Variants in ATP2B4 observed in about 807,000 individuals in gnomAD.
The protein encoded by ATP2B4 is plasma membrane calcium-transporting ATPase 4.
A neutral mutation model predicts 110.3 loss-of-function variants in ATP2B4; 39 were observed. The observed-to-expected ratio is 0.35, with a 90% CI of 0.27 to 0.46. The LOEUF is 0.46. Ranked by LOEUF, ATP2B4 falls within the 20% of genes least tolerant of loss-of-function variation. ATP2B4 has a pLI of 1.00. For missense variants in ATP2B4, 1,135 were observed against 1,530.9 expected (o/e 0.74, Z 4.32); for synonymous variants, 538 against 571.7 (o/e 0.94, Z 0.84).
rs1419791576 is a variant in ATP2B4, at chr1:203,629,170, G to C, written c.-465+1951G>C. On this transcript the variant is annotated intron_variant, in intron 1 of 20. Coordinates refer to ENST00000357681, the MANE Select transcript of ATP2B4 (RefSeq NM_001684.5). The surrounding 1 kb of genome is among the most constrained non-coding windows in gnomAD (Gnocchi z 4.6). ...TTGATTGATCTGACTGCACCCCTCGGCTAGACAGCTCTTCCCTACCTGTGT... is the reference window on the plus strand; with the variant it reads ...TTGATTGATCTGACTGCACCCCTCGCCTAGACAGCTCTTCCCTACCTGTGT... Among the ~76,000 whole-genome samples, 1 of 152,168 alleles carries C rather than the reference G, an allele frequency of 6.6e-6. No homozygotes were observed. Among genetic ancestry groups the C allele is most frequent in the African/African-American group, 2.4e-5 (1 of 41,438 alleles).
chr1:203,657,698 A>T (rs564622652), intron 1 of ATP2B4: 1 of 758,966 alleles, frequency 1.3e-6, no homozygotes, highest in East Asian at 2.5e-5. Flanking sequence ...TTTTCTTCTC[A>T]TGGTAATCCA....
chr1:203,730,768 A>G (rs2102231678), intron 20 of ATP2B4, among the ~76,000 whole-genome samples: 1 of 152,354 alleles, frequency 6.6e-6, no homozygotes, highest in Non-Finnish European at 1.5e-5. Context: ...TTGTTGGAGC[A>G]TGAGGCAGTT....
chr1:203,703,141 G>T (rs1045859004), intron 7 of ATP2B4, among the ~76,000 whole-genome samples: 1 of 150,316 alleles, frequency 6.7e-6, no homozygotes, highest in Middle Eastern at 3.2e-3. Flanking sequence ...GGGTCTGGGG[G>T]TATGTGTTTC....
intron 1 of ATP2B4, among the ~76,000 whole-genome samples, chr1:203,651,573 T>G (rs367766849): frequency 2.4e-4 from 36 of 152,320 alleles, no homozygotes; most frequent in Admixed American, 5.2e-4. Flanking sequence ...AAGAAACATA[T>G]TATTTGTACT....
chr1:203,711,886 G>A (rs1330363648), intron 12 of ATP2B4, 74 bp from the exon 13 acceptor site: 3 of 1,530,764 alleles, frequency 2.0e-6, no homozygotes, highest in Non-Finnish European at 2.7e-6. Flanking sequence ...GCCACAAAGG[G>A]ACAGACAAAC....
chr1:203,632,437 G>A (rs1012561645), intron 1 of ATP2B4, among the ~76,000 whole-genome samples: 6 of 151,242 alleles, frequency 4.0e-5, no homozygotes, highest in South Asian at 2.1e-4. Context: ...TCTGCCGCCC[G>A]GGTTCACGCC....
At chr1:203,702,293 G>A (rs1665718617) in intron 7 of ATP2B4, among the ~76,000 whole-genome samples, 1 of 152,150 alleles carries the variant, frequency 6.6e-6, no homozygotes, top group Non-Finnish European at 1.5e-5. Flanking sequence ...CTCTGCTGTT[G>A]GCTCACAGAA....
chr1:203,654,941 C>A (rs1375359761), intron 1 of ATP2B4, among the ~76,000 whole-genome samples: 1 of 149,808 alleles, frequency 6.7e-6, no homozygotes, highest in Non-Finnish European at 1.5e-5. Flanking sequence ...TGGAGGAAGT[C>A]AAAATATCAA....
At chr1:203,733,287 T>C (rs762746975) in intron 20 of ATP2B4, 3 of 1,614,126 alleles carry the variant, frequency 1.9e-6, no homozygotes, top group East Asian at 4.5e-5. Context: ...CGACAGAACA[T>C]GGGTCAACAC....
intron 1 of ATP2B4, among the ~76,000 whole-genome samples, chr1:203,670,966 C>G (rs567461124): frequency 6.6e-6 from 1 of 152,192 alleles, no homozygotes; most frequent in African/African-American, 2.4e-5. Flanking sequence ...GGAAATGGAA[C>G]AGTCTATGCA....
intron 1 of ATP2B4, among the ~76,000 whole-genome samples, chr1:203,673,031 C>T (rs568196514): frequency 8.5e-5 from 13 of 152,248 alleles, no homozygotes; most frequent in African/African-American, 2.9e-4. Context: ...GAAGGACTAG[C>T]AGAGGGAGAG....
chr1:203,727,884 G>A, intron 20 of ATP2B4: 1 of 377,154 alleles, frequency 2.7e-6, no homozygotes, highest in Non-Finnish European at 5.0e-6. Flanking sequence ...TCTCTTGCAA[G>A]CACTAGACCT....
chr1:203,699,456 A>C lies in ATP2B4; in HGVS notation c.392-4A>C, dbSNP rs1467308704. On this transcript the variant is annotated splice_region_variant and splice_polypyrimidine_tract_variant and intron_variant, in intron 3 of 20. Coordinates refer to ENST00000357681, the MANE Select transcript of ATP2B4 (RefSeq NM_001684.5). ...GTGACTATTTCTCTCCCTTCCTGGG[A>C]TAGTGTGTGGTCAAGTCGCAACTAC... The C allele has an allele frequency of 6.2e-7, 1 of 1,613,820 alleles. No homozygotes were observed. Among genetic ancestry groups the C allele is most frequent in the Non-Finnish European group, 8.5e-7 (1 of 1,179,904 alleles).
At chr1:203,700,116 T>G in intron 4 of ATP2B4, 90 bp from the exon 5 acceptor site, 700 of 1,447,914 alleles carry the variant, frequency 4.8e-4, no homozygotes, top group Non-Finnish European at 6.0e-4. Flanking sequence ...GGAACAGCCA[T>G]GAGATAGGGT....
Position 203,712,059 on chromosome 1 carries a change from G to T in ATP2B4, c.2131G>T (p.Gly711Cys). 2 of 1,614,166 alleles carry T rather than the reference G, an allele frequency of 1.2e-6. No homozygotes were observed. The highest frequency in any genetic ancestry group is 1.7e-6 in the Non-Finnish European group (2 of 1,180,020). Residue 711 changes from glycine to cysteine, a missense_variant, in exon 13 of 21, where the codon GGC becomes TGC. By Grantham distance (159) the Gly-to-Cys change is radical. Transcript: ENST00000357681. ...NTARAIATKCGILTPGDDFLC... is the reference protein window; with the variant it reads ...NTARAIATKCCILTPGDDFLC... The stretch of plus-strand genomic sequence containing the variant: ...AGCCCGGGCCATTGCCACCAAATGT[G>T]GCATTCTGACACCTGGGGATGACTT...
At chr1:203,714,585 A>G (rs539732437) in intron 15 of ATP2B4, among the ~76,000 whole-genome samples, 1 of 152,290 alleles carries the variant, frequency 6.6e-6, no homozygotes, top group South Asian at 2.1e-4. Context: ...TGTGTTCCCT[A>G]TGGTAGGCGC....
At chr1:203,696,671 C>A (rs1401110807) in intron 2 of ATP2B4, among the ~76,000 whole-genome samples, 2 of 152,216 alleles carry the variant, frequency 1.3e-5, no homozygotes, top group African/African-American at 4.8e-5. Context: ...CATGAAAGGA[C>A]CCAAATATAA....
intron 1 of ATP2B4, among the ~76,000 whole-genome samples, chr1:203,636,675 AG>A (rs1243255252): frequency 6.6e-6 from 1 of 152,214 alleles, no homozygotes; most frequent in Non-Finnish European, 1.5e-5. Flanking sequence ...CCTTGATTGA[AG>A]CAGGGGATAT....
At chr1:203,677,052 T>C (rs1284836098) in intron 1 of ATP2B4, among the ~76,000 whole-genome samples, 1 of 152,138 alleles carries the variant, frequency 6.6e-6, no homozygotes, top group Non-Finnish European at 1.5e-5. Context: ...GTTCTTGCAC[T>C]TGAGGCAAGT....
Sources: allele counts gnomAD v4.1 joint callset (sites outside exome capture counted in the v4.1 genomes callset), GRCh38; gene constraint gnomAD v4.1.1; non-coding constraint Gnocchi (gnomAD v3.1); transcripts MANE v1.5; gene names NCBI Gene and HGNC (gene_info 2026-07-23, HGNC 2026-07-21).